Variants in DAPK1 observed in about 807,000 individuals in gnomAD.
DAPK1 encodes death associated protein kinase 1, also known as death-associated protein kinase 1.
DAPK1 carries 56 observed loss-of-function variants against 144.9 expected under a neutral mutation model. The ratio of observed to expected loss-of-function variants is 0.39; its 90% CI spans 0.31 to 0.48. DAPK1 has a LOEUF of 0.48. Among genes scored for constraint, DAPK1 ranks in the 20% least tolerant of loss-of-function variants. DAPK1 has a pLI of 0.95. For missense variants in DAPK1, 1,454 were observed against 1,875.4 expected (o/e 0.78, Z 4.15); for synonymous variants, 690 against 749.0 (o/e 0.92, Z 1.29).
chr9:87,692,728 A>G (rs1825104268), intron 21 of DAPK1, among the ~76,000 whole-genome samples: 1 of 151,914 alleles, frequency 6.6e-6, no homozygotes, highest in Non-Finnish European at 1.5e-5. Context: ...TTGTTTATAG[A>G]TTTGATCTAG....
At chr9:87,598,129 A>T (rs2118921919) in intron 2 of DAPK1, among the ~76,000 whole-genome samples, 1 of 152,216 alleles carries the variant, frequency 6.6e-6, no homozygotes, top group Non-Finnish European at 1.5e-5. Context: ...CTTACCTACA[A>T]CCTGTAATTC....
intron 3 of DAPK1, among the ~76,000 whole-genome samples, chr9:87,616,847 T>C (rs1829116755): frequency 6.6e-6 from 1 of 152,222 alleles, no homozygotes; most frequent in African/African-American, 2.4e-5. Flanking sequence ...TCCTTTTCTG[T>C]GGGGCTACCT....
intron 3 of DAPK1, chr9:87,632,626 A>G (rs557670934): frequency 5.1e-6 from 5 of 982,376 alleles, no homozygotes; most frequent in Non-Finnish European, 6.0e-6. Flanking sequence ...GGTGATCAGT[A>G]TATATGTAGG....
chr9:87,604,177 G>A (rs543031094), intron 2 of DAPK1, among the ~76,000 whole-genome samples: 154 of 152,170 alleles, frequency 1.0e-3, no homozygotes, highest in Non-Finnish European at 1.2e-3. Flanking sequence ...TTTGAGGGGG[G>A]GGTTCTGTCA....
chr9:87,654,814 G>T (rs1160296051), intron 17 of DAPK1, among the ~76,000 whole-genome samples: 1 of 152,114 alleles, frequency 6.6e-6, no homozygotes, highest in Non-Finnish European at 1.5e-5. Flanking sequence ...GAGAGAGGAG[G>T]AGCTGAGCAT....
In DAPK1 at chr9:87,641,985, A is replaced by G. The variant is rs1476875319; in HGVS notation, c.845A>G (p.Gln282Arg). ...HPWIKPKDTQ[Q>R]ALSRKASAVN... ...TTATTTTAGCCTAAAGATACACAAC[A>G]GGCACTTAGTAGAAAAGCATCAGCA... Residue 282 changes from glutamine (Q) to arginine (R), a missense_variant, in exon 10 of 26, where the codon CAG (glutamine) becomes CGG (arginine). Physicochemically the swap from Gln to Arg is conservative, Grantham distance 43 (BLOSUM62 1). This residue lies in a region of DAPK1 where 429 missense variants were observed against 637.5 expected (regional missense o/e 0.67). Coordinates refer to ENST00000408954, the MANE Select transcript of DAPK1 (RefSeq NM_004938.4). The G allele has an allele frequency of 6.2e-7, 1 of 1,613,882 alleles. No homozygotes were observed. The highest frequency in any genetic ancestry group is 8.5e-7 in the Non-Finnish European group (1 of 1,179,874).
At chr9:87,677,898 C>T (rs990706762) in intron 19 of DAPK1, among the ~76,000 whole-genome samples, 1 of 152,162 alleles carries the variant, frequency 6.6e-6, no homozygotes, top group African/African-American at 2.4e-5. Context: ...CATGGGCGCA[C>T]CTGGTGCACG....
At chr9:87,677,392 C>T (rs1027475924) in intron 19 of DAPK1, among the ~76,000 whole-genome samples, 6 of 152,148 alleles carry the variant, frequency 3.9e-5, no homozygotes, top group Non-Finnish European at 8.8e-5. Context: ...GTTCGAGTCT[C>T]CTGAGAGTGG....
intron 2 of DAPK1, among the ~76,000 whole-genome samples, chr9:87,526,903 A>G (rs1825532966): frequency 6.6e-6 from 1 of 152,200 alleles, no homozygotes; most frequent in African/African-American, 2.4e-5. Context: ...GAACCCAAAC[A>G]TAACCATCCC....
At chr9:87,630,866 T>C (rs184130156) in intron 3 of DAPK1, among the ~76,000 whole-genome samples, 3 of 152,260 alleles carry the variant, frequency 2.0e-5, no homozygotes, top group Non-Finnish European at 4.4e-5. Context: ...ACTCAGGAAG[T>C]AGGTACCAGG....
Position 87,707,178 on chromosome 9 carries a change from T to C in DAPK1, c.4107T>C (p.Pro1369=), listed in dbSNP as rs759575482. ...TGCTGCGGGAATGGACCACCTACCC[T>C]GAGAGCACAGTGGGCACCCTCATGT... ...HALLREWTTY[P]ESTVGTLMSK... Residue 1369 remains proline (P), a synonymous_variant, in exon 26 of 26, where the codon CCT becomes CCC. Transcript: ENST00000408954. This position sits in a 1 kb window ranked among gnomAD's most constrained non-coding sequence, Gnocchi z 4.0. The C allele has an allele frequency of 6.2e-7, 1 of 1,614,010 alleles. No homozygotes were observed. Among genetic ancestry groups the C allele is most frequent in the East Asian group, 2.2e-5 (1 of 44,858 alleles).
chr9:87,636,333 C>G (rs1467232658), intron 3 of DAPK1, among the ~76,000 whole-genome samples: 1 of 152,172 alleles, frequency 6.6e-6, no homozygotes, highest in Non-Finnish European at 1.5e-5. Context: ...GCTACCTCTG[C>G]CAGGCCCCTG....
In DAPK1 at chr9:87,576,394, C is replaced by T. The variant is rs1472716240; in HGVS notation, c.63-28560C>T. Among the ~76,000 whole-genome samples, 7 of 152,144 alleles carry T rather than the reference C, an allele frequency of 4.6e-5. No individual in the cohort carries two copies. In the East Asian group the frequency reaches 7.7e-4, roughly 17 times the overall value. On this transcript the variant is annotated intron_variant, in intron 2 of 25. Transcript: ENST00000408954. ...GTCATCTAAATCATGTCTCTTCAGG[C>T]GCGTGTTTGCTTCTGGGGATAGTTT...
At chr9:87,570,743 T>A (rs991335031) in intron 2 of DAPK1, among the ~76,000 whole-genome samples, 3 of 151,802 alleles carry the variant, frequency 2.0e-5, no homozygotes, top group Admixed American at 6.6e-5. Flanking sequence ...TTGAATTGCC[T>A]GTTCAGCTGT....
At chr9:87,513,153 T>C (rs1478776401) in intron 2 of DAPK1, among the ~76,000 whole-genome samples, 1 of 152,206 alleles carries the variant, frequency 6.6e-6, no homozygotes, top group South Asian at 2.1e-4. Context: ...ATAAATAGGC[T>C]GTTAAACGAA....
At chr9:87,542,097 G>A (rs1468765907) in intron 2 of DAPK1, among the ~76,000 whole-genome samples, 3 of 152,136 alleles carry the variant, frequency 2.0e-5, no homozygotes, top group Non-Finnish European at 2.9e-5. Flanking sequence ...TAGCTTACAG[G>A]GTTTTTCCTA....
intron 2 of DAPK1, among the ~76,000 whole-genome samples, chr9:87,545,634 C>T (rs1189202708): frequency 6.6e-6 from 1 of 152,130 alleles, no homozygotes; most frequent in East Asian, 1.9e-4. Flanking sequence ...GCAACCTCTG[C>T]CTCCCGGGTT....
chr9:87,597,269 G>A (rs1453580061), intron 2 of DAPK1, among the ~76,000 whole-genome samples: 3 of 152,172 alleles, frequency 2.0e-5, no homozygotes, highest in African/African-American at 7.2e-5. Context: ...TCTTTGGAAG[G>A]TGCTGTCTGC....
chr9:87,677,525 A>C (rs1026118344), intron 19 of DAPK1, among the ~76,000 whole-genome samples: 8 of 152,208 alleles, frequency 5.3e-5, no homozygotes, highest in Admixed American at 6.5e-5. Flanking sequence ...AAAGAGCTGC[A>C]GGCAGATTCA....
Sources: gnomAD v4.1 joint callset for allele counts (sites outside exome capture counted in the v4.1 genomes callset) on GRCh38, gnomAD v4.1.1 for gene constraint, gnomAD v4.1.1 regional missense constraint, Gnocchi (gnomAD v3.1) non-coding constraint, MANE v1.5 for transcripts, NCBI Gene and HGNC (gene_info 2026-07-23, HGNC 2026-07-21) for gene names.